The following STMN1 variants were observed in gnomAD, a reference collection of about 807,000 sequenced individuals.
The protein encoded by STMN1 is stathmin 1, also known as stathmin.
A neutral mutation model predicts 19.7 loss-of-function variants in STMN1; 3 were observed. The observed-to-expected ratio is 0.15, with a 90% CI of 0.07 to 0.39. The LOEUF (loss-of-function observed/expected upper bound fraction) is 0.39. STMN1 is among the 10% of genes least tolerant of loss of function. STMN1 has a pLI of 1.00. For missense variants in STMN1, 99 were observed against 176.0 expected (o/e 0.56, Z 2.48); for synonymous variants, 59 against 58.9 (o/e 1.00, Z -0.01).
chr1:25,899,050 T>C (rs193139661), downstream of STMN1, among the ~76,000 whole-genome samples: 1 of 152,364 alleles, frequency 6.6e-6, no homozygotes, highest in African/African-American at 2.4e-5. Flanking sequence ...TGTGGTAAGA[T>C]GCATCCCCTT....
At chr1:25,902,192 G>A (rs1404563392) in intron 3 of STMN1, 2 of 152,122 alleles carry the variant, frequency 1.3e-5, no homozygotes, top group African/African-American at 4.8e-5. Flanking sequence ...TTGGAAAAGT[G>A]CTTATCTGTT....
downstream of STMN1, among the ~76,000 whole-genome samples, chr1:25,897,185 C>T (rs956394626): frequency 3.3e-5 from 5 of 151,838 alleles, no homozygotes; most frequent in South Asian, 6.3e-4. Context: ...CGGTGGTGCA[C>T]GCCTGTAATC....
intron 4 of STMN1, among the ~76,000 whole-genome samples, chr1:25,892,244 T>A (rs1018936502): frequency 1.3e-4 from 20 of 152,178 alleles, no homozygotes; most frequent in African/African-American, 4.6e-4. Flanking sequence ...AAAAATTAGC[T>A]GGGCATGGTG....
intron 4 of STMN1, chr1:25,892,459 A>G (rs1384847803): frequency 3.8e-6 from 3 of 798,874 alleles, no homozygotes; most frequent in African/African-American, 1.9e-5. Flanking sequence ...ATTTGAGACC[A>G]TCACTACTAC....
rs549903673 is a variant in STMN1, at chr1:25,894,774, A to G, written c.378+6717T>C. The stretch of plus-strand genomic sequence containing the variant: ...AGACAGAATCTTGCTATGTCTCTAA[A>G]TAAATAAGGCTGGTCTCTAACTCCT... On this transcript the variant is annotated intron_variant, in intron 4 of 4. Transcript: ENST00000426559. Among the ~76,000 whole-genome samples, 125 of 152,244 alleles carry G rather than the reference A, an allele frequency of 8.2e-4. 1 individual carries two copies. The highest frequency in any genetic ancestry group is 2.8e-3 in the African/African-American group (116 of 41,562).
intron 2 of STMN1, among the ~76,000 whole-genome samples, chr1:25,904,189 T>A (rs1266633119): frequency 6.6e-6 from 1 of 152,126 alleles, no homozygotes; most frequent in South Asian, 2.1e-4. Flanking sequence ...TGGTGGCCCA[T>A]GTCGATAGTC....
At position 25,901,545 on chromosome 1, in the gene STMN1, A is replaced by G. The variant is rs999925101; in HGVS notation, c.324T>C (p.Asn108=). 31 of 1,613,780 alleles carry G rather than the reference A, an allele frequency of 1.9e-5. No homozygotes were observed. The highest frequency in any genetic ancestry group is 2.3e-5 in the Non-Finnish European group (27 of 1,179,956). ...CCATTTGTGCCTCTCGGTTCTCTTT[A>G]TTAGCTTCCATTTTGTGGGTCAGTT... The part of the protein sequence containing the change: ...EEKLTHKMEA[N]KENREAQMAA... Residue 108 remains asparagine (N), a synonymous_variant, in exon 4 of 5, where the codon AAT becomes AAC. Coordinates refer to ENST00000455785, the MANE Select transcript of STMN1 (RefSeq NM_005563.4).
rs527589937 is a variant in STMN1 at position 25,901,617 on chromosome 1, C to G, written c.252G>C (p.Gln84His). ...AGTTGTTGTTCTCTTCTATTGCCTT[C>G]TGAAGCACTTCTTTCTCGTGCTCTC... ...EKREHEKEVL[Q>H]KAIEENNNFS... The change falls in exon 4 of 5, where the codon CAG (glutamine) becomes CAC (histidine). Residue 84 changes from glutamine to histidine, a missense_variant. Coordinates refer to ENST00000455785, the MANE Select transcript of STMN1 (RefSeq NM_005563.4). The G allele has an allele frequency of 1.2e-6, 2 of 1,614,058 alleles. No individual in the cohort carries two copies. The highest frequency in any genetic ancestry group is 2.7e-5 in the African/African-American group (2 of 75,032).
Position 25,900,575 on chromosome 1 carries a change from CTG to C in STMN1, c.*439_*440del, listed in dbSNP as rs2048860401. 1.0e-6 allele frequency: 1 copy of C among 987,226 alleles called. No homozygotes were observed. 61.2% of individuals were successfully genotyped at this position (987,226 alleles called of 1,614,324 possible). A position where few individuals can be genotyped will look rare whatever the true frequency, so the allele number is the denominator to read the frequency against. ...AAAGAAGTCACTGCCACCAACAGCA[CTG>C]TGCAGTTTTATTAACCATTCAAGTC... On this transcript the variant is annotated 3_prime_UTR_variant, in exon 5 of 5. Coordinates refer to ENST00000455785, the MANE Select transcript of STMN1 (RefSeq NM_005563.4).
chr1:25,892,577 G>GCCGCTGA, intron 4 of STMN1: 1 of 984,920 alleles, frequency 1.0e-6, no homozygotes, highest in East Asian at 1.1e-4. Flanking sequence ...GAGCCGCTGA[G>GCCGCTGA]GGTCCCCTCC....
intron 4 of STMN1, among the ~76,000 whole-genome samples, chr1:25,886,104 C>T (rs533615170): frequency 6.6e-6 from 1 of 152,178 alleles, no homozygotes; most frequent in South Asian, 2.1e-4. Flanking sequence ...AAAGGTCAGG[C>T]AGGAACGGGG....
chr1:25,890,344 A>G (rs1312040356), intron 4 of STMN1, among the ~76,000 whole-genome samples: 2 of 152,200 alleles, frequency 1.3e-5, no homozygotes, highest in African/African-American at 2.4e-5. Flanking sequence ...AGGGAAAAGG[A>G]GCAGGCCTTC....
Position 25,901,052 on chromosome 1 carries a change from T to G in STMN1, c.414A>C (p.Glu138Asp). The G allele has an allele frequency of 1.2e-6, 2 of 1,613,500 alleles. No homozygotes were observed. Among genetic ancestry groups the G allele is most frequent in the Non-Finnish European group, 1.7e-6 (2 of 1,179,942 alleles). The stretch of plus-strand genomic sequence containing the variant: ...CAGTCTCGTCAGCAGGGTCTTTGGA[T>G]TCTTTGTTCTTCCGCACTTCTTCAA... ...KHIEEVRKNK[E>D]SKDPADETEA... is the part of the protein sequence containing the mutation. The change falls in exon 5 of 5, where the codon GAA becomes GAC. Residue 138 changes from glutamate to aspartate, a missense_variant. This residue lies in a region of STMN1 where 54 missense variants were observed against 79.4 expected (regional missense o/e 0.68). Coordinates refer to ENST00000455785, the MANE Select transcript of STMN1 (RefSeq NM_005563.4).
At chr1:25,894,684 A>G (rs1008851579) in intron 4 of STMN1, among the ~76,000 whole-genome samples, 3 of 152,210 alleles carry the variant, frequency 2.0e-5, no homozygotes, top group Non-Finnish European at 2.9e-5. Flanking sequence ...CCTGTCTGAA[A>G]AAAATTCTAG....
chr1:25,885,995 G>T, intron 4 of STMN1: 1 of 1,311,640 alleles, frequency 7.6e-7, no homozygotes, highest in Non-Finnish European at 1.0e-6. Flanking sequence ...AATCATCCAG[G>T]GATCTTTAAA....
intron 4 of STMN1, among the ~76,000 whole-genome samples, chr1:25,890,384 A>G (rs1054752330): frequency 3.3e-4 from 51 of 152,332 alleles, no homozygotes; most frequent in African/African-American, 1.1e-3. Context: ...GCAAAGCTCC[A>G]GGAGAGAACA....
chr1:25,893,170 C>T (rs903815818), intron 4 of STMN1, among the ~76,000 whole-genome samples: 1 of 152,022 alleles, frequency 6.6e-6, no homozygotes, highest in Non-Finnish European at 1.5e-5. Context: ...GGTGAAATTC[C>T]AGCCTCAGCT....
At chr1:25,885,304 A>G (rs1305995209), downstream of STMN1, 1 of 155,044 alleles carries the variant, frequency 6.4e-6, no homozygotes, top group East Asian at 1.9e-4. Flanking sequence ...GGCTTCTGCC[A>G]CCCTCTCCAT....
intron 4 of STMN1, among the ~76,000 whole-genome samples, chr1:25,895,099 CTTTTTT>C (rs34587140): frequency 1.6e-4 from 18 of 113,402 alleles, no homozygotes; most frequent in Admixed American, 1.5e-3. Context: ...TATTATACGT[CTTTTTT>C]TTTTTTTTTT....
Sources: gnomAD v4.1 joint callset for allele counts (sites outside exome capture counted in the v4.1 genomes callset) on GRCh38, gnomAD v4.1.1 for gene constraint, gnomAD v4.1.1 regional missense constraint, MANE v1.5 for transcripts, NCBI Gene and HGNC (gene_info 2026-07-23, HGNC 2026-07-21) for gene names.